FSTL4: variants seen among roughly 807,000 people sequenced by gnomAD.
FSTL4 encodes follistatin-related protein 4.
FSTL4 carries 28 observed loss-of-function variants against 78.2 expected under a neutral mutation model. The observed-to-expected ratio is 0.36, with a 90% CI of 0.27 to 0.49. The LOEUF (loss-of-function observed/expected upper bound fraction) is 0.49, where lower values mean the gene tolerates loss of function less well. Among genes scored for constraint, FSTL4 ranks in the 20% least tolerant of loss-of-function variants. The probability of loss-of-function intolerance (pLI) is 0.98; values close to 1 mark genes in which losing one functional copy is unlikely to be tolerated. For missense variants in FSTL4, 922 were observed against 1,084.9 expected (o/e 0.85, Z 2.11); for synonymous variants, 422 against 440.5 (o/e 0.96, Z 0.53).
At chr5:133,693,732 G>T in the FSTL4 span, among the ~76,000 whole-genome samples, 1 of 152,328 alleles carries the variant, frequency 6.6e-6, no homozygotes, top group East Asian at 1.9e-4. Context: ...TCAAGAGGCT[G>T]GGAAGTCCAA....
In FSTL4 at chr5:133,202,054, A is replaced by T; in HGVS notation, c.1717-12T>A. ...GCTTCTGTGATCACCTACAACACAGAGTGGGAATCCTAGTGAGGGCCCATG... is the reference window on the plus strand; with the variant it reads ...GCTTCTGTGATCACCTACAACACAGTGTGGGAATCCTAGTGAGGGCCCATG... On this transcript the variant is annotated splice_polypyrimidine_tract_variant and intron_variant, in intron 14 of 15. Coordinates refer to ENST00000265342, the MANE Select transcript of FSTL4 (RefSeq NM_015082.2). 1.3e-6 allele frequency: 2 copies of T among 1,572,604 alleles called. No homozygotes were observed. Among genetic ancestry groups the T allele is most frequent in the Non-Finnish European group, 1.7e-6 (2 of 1,150,872 alleles).
chr5:133,701,923 C>T, the FSTL4 span, among the ~76,000 whole-genome samples: 6 of 152,092 alleles, frequency 3.9e-5, no homozygotes, highest in Admixed American at 6.5e-5. Context: ...CATAAGGAAA[C>T]CTATGTAGAG....
At chr5:133,212,368 T>C (rs930276513) in intron 13 of FSTL4, among the ~76,000 whole-genome samples, 3 of 152,184 alleles carry the variant, frequency 2.0e-5, no homozygotes, top group Admixed American at 2.0e-4. Context: ...TTTCACAGTC[T>C]CAATGTGCTG....
the FSTL4 span, among the ~76,000 whole-genome samples, chr5:133,758,115 A>G: frequency 6.6e-6 from 1 of 152,238 alleles, no homozygotes; most frequent in Non-Finnish European, 1.5e-5. Flanking sequence ...CGTACTTACC[A>G]TGTACCAGGC....
chr5:133,358,328 A>G (rs1323564413), intron 4 of FSTL4, among the ~76,000 whole-genome samples: 1 of 152,184 alleles, frequency 6.6e-6, no homozygotes, highest in Non-Finnish European at 1.5e-5. Context: ...CATCCTGACG[A>G]ACACACTGGC....
chr5:133,797,311 G>A, the FSTL4 span, among the ~76,000 whole-genome samples: 2 of 152,198 alleles, frequency 1.3e-5, no homozygotes, highest in African/African-American at 4.8e-5. Flanking sequence ...ACTTGTAGTT[G>A]GTTAAAGGAG....
At chr5:133,703,551 A>G in the FSTL4 span, among the ~76,000 whole-genome samples, 1 of 152,212 alleles carries the variant, frequency 6.6e-6, no homozygotes, top group Non-Finnish European at 1.5e-5. Flanking sequence ...AATGTCAGAT[A>G]GGTTGTGCAA....
chr5:133,692,617 C>T, the FSTL4 span, among the ~76,000 whole-genome samples: 1 of 152,112 alleles, frequency 6.6e-6, no homozygotes, highest in Non-Finnish European at 1.5e-5. Context: ...GGGGCTCTGC[C>T]CTCTCCAGCA....
chr5:133,256,164 A>G (rs2126829714), intron 6 of FSTL4, among the ~76,000 whole-genome samples: 1 of 152,312 alleles, frequency 6.6e-6, no homozygotes, highest in South Asian at 2.1e-4. Flanking sequence ...ACTCAGGCTC[A>G]GGGGCCTGCT....
the FSTL4 span, among the ~76,000 whole-genome samples, chr5:133,651,773 G>A: frequency 6.6e-6 from 1 of 151,952 alleles, no homozygotes; most frequent in African/African-American, 2.4e-5. Context: ...CTTTGGCTTT[G>A]GTATTGGAGT....
chr5:133,697,079 A>T, the FSTL4 span, among the ~76,000 whole-genome samples: 3 of 152,184 alleles, frequency 2.0e-5, no homozygotes, highest in East Asian at 5.8e-4. Flanking sequence ...GGAAACCACC[A>T]TGGCAACTGT....
the FSTL4 span, among the ~76,000 whole-genome samples, chr5:133,654,394 G>T: frequency 6.6e-6 from 1 of 152,134 alleles, no homozygotes; most frequent in African/African-American, 2.4e-5. Context: ...CATGAAACAG[G>T]GATTCTAAGC....
chr5:133,231,985 T>C (rs1751507874), intron 8 of FSTL4, among the ~76,000 whole-genome samples: 1 of 152,218 alleles, frequency 6.6e-6, no homozygotes, highest in Non-Finnish European at 1.5e-5. Flanking sequence ...GAAAGTAGCA[T>C]GCGGGAGTAA....
chr5:133,239,939 T>A (rs1309014753), intron 7 of FSTL4, among the ~76,000 whole-genome samples: 1 of 152,220 alleles, frequency 6.6e-6, no homozygotes, highest in African/African-American at 2.4e-5. Flanking sequence ...CAGCAGGATG[T>A]GGGTGGGGCC....
chr5:133,238,996 G>A (rs114907367), intron 7 of FSTL4, among the ~76,000 whole-genome samples: 3,321 of 152,320 alleles, frequency 0.022, 114 homozygotes, highest in African/African-American at 0.074. Flanking sequence ...GTGGAGAGGC[G>A]CGGGCGGGAA....
rs1417150476 is a variant in FSTL4 at position 133,440,424 on chromosome 5, C to G, written c.161-39438G>C. 6.6e-6 allele frequency among the ~76,000 whole-genome samples: 1 copy of G among 152,220 alleles called. No homozygotes were observed. The highest frequency in any genetic ancestry group is 2.4e-5 in the African/African-American group (1 of 41,452). On this transcript the variant is annotated intron_variant, in intron 3 of 15. Transcript: ENST00000265342. The surrounding 1 kb of genome is among the most constrained non-coding windows in gnomAD (Gnocchi z 4.1). ...AGGCCCATGGGGAGCTCTCAGCAGC[C>G]AGCCTAATGTGGGGCTGCACTGAGC...
At chr5:133,277,056 AATTCCAGCACT>A (rs1752899939) in intron 6 of FSTL4, among the ~76,000 whole-genome samples, 1 of 152,218 alleles carries the variant, frequency 6.6e-6, no homozygotes, top group Non-Finnish European at 1.5e-5. Flanking sequence ...TCACTCCTGT[AATTCCAGCACT>A]TTGGGAGGCC....
At chr5:133,733,053 T>C in the FSTL4 span, among the ~76,000 whole-genome samples, 1 of 152,080 alleles carries the variant, frequency 6.6e-6, no homozygotes, top group South Asian at 2.1e-4. Flanking sequence ...CCCATGGGAG[T>C]TTCTCAGATA....
chr5:133,390,126 G>A (rs781151514), intron 4 of FSTL4, among the ~76,000 whole-genome samples: 6 of 152,316 alleles, frequency 3.9e-5, no homozygotes, highest in Admixed American at 6.5e-5. Flanking sequence ...AAAGAGACAT[G>A]GCTGCTAAGT....
Sources: allele counts gnomAD v4.1 joint callset (sites outside exome capture counted in the v4.1 genomes callset), GRCh38; gene constraint gnomAD v4.1.1; non-coding constraint Gnocchi (gnomAD v3.1); transcripts MANE v1.5; gene names NCBI Gene and HGNC (gene_info 2026-07-23, HGNC 2026-07-21).